Variants in DSCAML1 observed in about 807,000 individuals in gnomAD.
DSCAML1 encodes the protein DS cell adhesion molecule like 1.
In DSCAML1, 38 loss-of-function variants were observed where a neutral mutation model predicts 200.5. The ratio of observed to expected loss-of-function variants is 0.19; its 90% CI spans 0.15 to 0.25. The LOEUF is 0.25. DSCAML1 is among the 10% of genes least tolerant of loss of function. The pLI is 1.00. For missense variants in DSCAML1, 2,223 were observed against 2,858.8 expected, an observed-to-expected ratio of 0.78 and a Z score of 5.07; for synonymous variants, 1,215 against 1,165.0, an observed-to-expected ratio of 1.04 and a Z score of -0.87.
At chr11:117,626,632 T>A (rs1321765283) in intron 3 of DSCAML1, among the ~76,000 whole-genome samples, 1 of 152,142 alleles carries the variant, frequency 6.6e-6, no homozygotes, top group Non-Finnish European at 1.5e-5. Context: ...CATCAAAGCA[T>A]GTGGCGGATT....
chr11:117,531,701 T>C (rs2050079233), intron 4 of DSCAML1, among the ~76,000 whole-genome samples: 2 of 151,846 alleles, frequency 1.3e-5, no homozygotes, highest in Admixed American at 6.6e-5. Context: ...CTAGCCAACA[T>C]GGTGAAACCC....
At position 117,679,276 on chromosome 11, in the gene DSCAML1, A is replaced by C. The variant is rs1479070476; in HGVS notation, c.511+97515T>G. 2.6e-5 allele frequency among the ~76,000 whole-genome samples: 4 copies of C among 152,320 alleles called. No homozygotes were observed. In the East Asian group the frequency reaches 7.7e-4, roughly 29 times the overall value. On this transcript the variant is annotated intron_variant, in intron 3 of 32. Transcript: ENST00000651296. Reference sequence around the variant, plus strand: ...CTAGAGGCCCAGGCAGAGACCTAGCAGACACCAGGATTCATGAACCAGGCA... The same window carrying C: ...CTAGAGGCCCAGGCAGAGACCTAGCCGACACCAGGATTCATGAACCAGGCA...
chr11:117,775,501 G>A (rs2055114766), intron 3 of DSCAML1, among the ~76,000 whole-genome samples: 2 of 152,104 alleles, frequency 1.3e-5, no homozygotes, highest in Non-Finnish European at 2.9e-5. Context: ...TTCCCATCCT[G>A]CTACAAGCTC....
At chr11:117,748,892 C>T (rs2054558150) in intron 3 of DSCAML1, among the ~76,000 whole-genome samples, 1 of 152,190 alleles carries the variant, frequency 6.6e-6, no homozygotes, top group African/African-American at 2.4e-5. Flanking sequence ...GATGGAGGGT[C>T]CCACTGCCCA....
chr11:117,816,831 C>T (rs978488677), intron 1 of DSCAML1, among the ~76,000 whole-genome samples: 2 of 151,426 alleles, frequency 1.3e-5, no homozygotes, highest in South Asian at 2.1e-4. Flanking sequence ...TCCTGATGCC[C>T]CAAAGCATTT....
intron 3 of DSCAML1, among the ~76,000 whole-genome samples, chr11:117,773,439 C>G (rs78338556): frequency 0.15 from 22,347 of 151,802 alleles, 2,190 homozygotes; most frequent in South Asian, 0.37. Context: ...GTATCCCTGG[C>G]TCTTCCATCC....
chr11:117,504,260 T>C lies in DSCAML1; in HGVS notation c.2183-239A>G, dbSNP rs1199556192. Among the ~76,000 whole-genome samples, 1 of 152,192 alleles carries C rather than the reference T, an allele frequency of 6.6e-6. No homozygotes were observed. The highest frequency in any genetic ancestry group is 1.5e-5 in the Non-Finnish European group (1 of 68,024). On this transcript the variant is annotated intron_variant, in intron 10 of 32. Coordinates refer to ENST00000651296, the MANE Select transcript of DSCAML1 (RefSeq NM_020693.4). The surrounding 1 kb of genome is among the most constrained non-coding windows in gnomAD (Gnocchi z 5.0). ...AGGAGATGGGGTTGGGAGTCTCAGC[T>C]CAATGCCCACTTTGACACTGGCATG...
intron 19 of DSCAML1, among the ~76,000 whole-genome samples, chr11:117,451,273 C>T (rs1179708865): frequency 6.6e-6 from 1 of 152,226 alleles, no homozygotes; most frequent in Non-Finnish European, 1.5e-5. Context: ...GCCCTCCTCT[C>T]TGGGCCTGTC....
intron 3 of DSCAML1, among the ~76,000 whole-genome samples, chr11:117,648,254 C>G (rs2052561897): frequency 6.6e-6 from 1 of 152,240 alleles, no homozygotes; most frequent in Non-Finnish European, 1.5e-5. Flanking sequence ...TACTTCCACT[C>G]TGGAAACCCA....
chr11:117,775,568 G>C (rs980299290), intron 3 of DSCAML1, among the ~76,000 whole-genome samples: 4 of 152,056 alleles, frequency 2.6e-5, no homozygotes, highest in Non-Finnish European at 5.9e-5. Flanking sequence ...GAAGGAAAAA[G>C]TACTGAGTGT....
intron 28 of DSCAML1, 90 bp from the exon 29 acceptor site, chr11:117,433,346 G>A: frequency 6.4e-7 from 1 of 1,572,798 alleles, no homozygotes; most frequent in South Asian, 1.2e-5. Context: ...TTAGAAGCCT[G>A]CCTCCTATTC....
At chr11:117,651,656 G>C (rs2052633860) in intron 3 of DSCAML1, among the ~76,000 whole-genome samples, 1 of 141,462 alleles carries the variant, frequency 7.1e-6, no homozygotes, top group Non-Finnish European at 1.5e-5. Context: ...AGCTTGCAGT[G>C]AGCCGAGATC....
At chr11:117,622,099 G>C (rs765610445) in intron 3 of DSCAML1, among the ~76,000 whole-genome samples, 6 of 152,180 alleles carry the variant, frequency 3.9e-5, no homozygotes, top group Non-Finnish European at 5.9e-5. Flanking sequence ...GTCCAGGCTT[G>C]GATGTTTGCC....
intron 8 of DSCAML1, among the ~76,000 whole-genome samples, chr11:117,514,331 C>G (rs1160453096): frequency 6.6e-6 from 1 of 152,206 alleles, no homozygotes; most frequent in East Asian, 1.9e-4. Flanking sequence ...AGGGAAGCCC[C>G]CAGGTGACAG....
intron 3 of DSCAML1, among the ~76,000 whole-genome samples, chr11:117,671,886 C>T (rs1461390412): frequency 4.0e-5 from 6 of 151,524 alleles, no homozygotes; most frequent in Admixed American, 2.6e-4. Context: ...CCGAGGCGGG[C>T]GGATTACCTG....
chr11:117,486,200 T>A (rs189585400), intron 11 of DSCAML1, among the ~76,000 whole-genome samples: 1 of 152,074 alleles, frequency 6.6e-6, no homozygotes, highest in African/African-American at 2.4e-5. Flanking sequence ...AAACTGGGTC[T>A]GCTGAACTCC....
intron 3 of DSCAML1, among the ~76,000 whole-genome samples, chr11:117,755,327 A>T (rs999893456): frequency 6.6e-6 from 1 of 152,208 alleles, no homozygotes; most frequent in Non-Finnish European, 1.5e-5. Context: ...AAGGAAGGCC[A>T]TGGCTCTGTC....
At chr11:117,686,454 G>A (rs1210784357) in intron 3 of DSCAML1, among the ~76,000 whole-genome samples, 2 of 152,230 alleles carry the variant, frequency 1.3e-5, no homozygotes, top group Non-Finnish European at 2.9e-5. Flanking sequence ...CCAAGAGCAG[G>A]AGCCTTCGCA....
chr11:117,786,696 G>A (rs2055359223), intron 1 of DSCAML1, among the ~76,000 whole-genome samples: 1 of 152,130 alleles, frequency 6.6e-6, no homozygotes, highest in South Asian at 2.1e-4. Context: ...TCATCGTAAA[G>A]GACAACCCGA....
Sources: gnomAD v4.1 joint callset for allele counts (sites outside exome capture counted in the v4.1 genomes callset) on GRCh38, gnomAD v4.1.1 for gene constraint, Gnocchi (gnomAD v3.1) non-coding constraint, MANE v1.5 for transcripts, NCBI Gene and HGNC (gene_info 2026-07-23, HGNC 2026-07-21) for gene names.